GPR160: variants seen among roughly 807,000 people sequenced by gnomAD.
The protein encoded by GPR160 is G protein-coupled receptor 160, also known as probable G protein-coupled receptor 160.
Under a neutral mutation model 2.6 loss-of-function variants are expected in GPR160, and 2 were observed. The ratio of observed to expected loss-of-function variants is 0.77; its 90% CI spans 0.32 to 2.44. The LOEUF (loss-of-function observed/expected upper bound fraction) is 2.44, where lower values mean the gene tolerates loss of function less well. GPR160 is among the 30% of genes most tolerant of loss of function. The pLI, the probability that GPR160 is intolerant of heterozygous loss-of-function variation, is 0.11. For missense variants in GPR160, 351 were observed against 383.6 expected (o/e 0.91, Z 0.71); for synonymous variants, 130 against 132.2 (o/e 0.98, Z 0.12).
intron 2 of GPR160, among the ~76,000 whole-genome samples, chr3:170,051,093 G>C (rs889953542): frequency 2.6e-5 from 4 of 152,106 alleles, no homozygotes; most frequent in African/African-American, 9.7e-5. Context: ...CAGTGTATGA[G>C]GATTCTCTAC....
At chr3:170,045,131 G>A (rs1055978080) in intron 2 of GPR160, among the ~76,000 whole-genome samples, 1 of 152,054 alleles carries the variant, frequency 6.6e-6, no homozygotes, top group Non-Finnish European at 1.5e-5. Flanking sequence ...TGGCACAAAA[G>A]TGAACCTTGT....
At chr3:170,041,251 G>A (rs950470747) in intron 2 of GPR160, among the ~76,000 whole-genome samples, 4 of 151,994 alleles carry the variant, frequency 2.6e-5, no homozygotes, top group South Asian at 2.1e-4. Context: ...GAATCTCCCC[G>A]GCGTAGACCT....
intron 2 of GPR160, among the ~76,000 whole-genome samples, chr3:170,055,044 T>G (rs1711558426): frequency 1.3e-5 from 2 of 152,234 alleles, no homozygotes; most frequent in Non-Finnish European, 2.9e-5. Context: ...CCCATCTGCC[T>G]TGGCCTCCCA....
intron 2 of GPR160, among the ~76,000 whole-genome samples, chr3:170,043,328 C>T (rs1357523092): frequency 6.6e-6 from 1 of 152,086 alleles, no homozygotes; most frequent in African/African-American, 2.4e-5. Flanking sequence ...ATTACAGGTG[C>T]CAGACACCAT....
At chr3:170,066,124 C>CT (rs1712316344) in intron 2 of GPR160, among the ~76,000 whole-genome samples, 2 of 78,534 alleles carry the variant, frequency 2.5e-5, no homozygotes, top group Admixed American at 1.4e-4. Context: ...TATTCTTTTT[C>CT]TTTTTCTTTT....
rs550074329 is a variant in GPR160, at chr3:170,052,801, AG to A, written c.-193+13760del. On this transcript the variant is annotated intron_variant, in intron 2 of 3. Coordinates refer to ENST00000355897, the MANE Select transcript of GPR160 (RefSeq NM_014373.3). Reference sequence around the variant, plus strand: ...TTTTGCTTGAGAATTCTTTACTCTAAGGTTGCAAACATATTCTCCTTTGTTT... The same window carrying A: ...TTTTGCTTGAGAATTCTTTACTCTAAGTTGCAAACATATTCTCCTTTGTTT... Among the ~76,000 whole-genome samples, 638 of 152,222 alleles carry A rather than the reference AG, an allele frequency of 4.2e-3. 1 individual carries two copies. The highest frequency in any genetic ancestry group is 7.0e-3 in the Non-Finnish European group (475 of 68,012).
Position 170,084,812 on chromosome 3 carries a change from A to G in GPR160, c.840A>G (p.Leu280=), listed in dbSNP as rs371588925. Residue 280 remains leucine (L), a synonymous_variant, in exon 4 of 4, where the codon TTA becomes TTG. Transcript: ENST00000355897. ...ATATTGAGATGAATATTCCCTGGTT[A>G]TACTTTGTCAATAGTTTTCTCATTG... is the stretch of plus-strand genomic sequence containing the variant. The part of the protein sequence containing the change: ...PAYIEMNIPW[L]YFVNSFLIAT... 1.9e-6 allele frequency: 3 copies of G among 1,608,132 alleles called. No individual in the cohort carries two copies. Among genetic ancestry groups the G allele is most frequent in the Non-Finnish European group, 2.6e-6 (3 of 1,175,240 alleles).
intron 2 of GPR160, among the ~76,000 whole-genome samples, chr3:170,050,332 C>T (rs1421338389): frequency 6.6e-5 from 10 of 152,092 alleles, no homozygotes; most frequent in African/African-American, 2.4e-4. Context: ...CAACCTCCAC[C>T]TCCCAGGTTC....
chr3:170,063,759 A>C (rs1023324132), intron 2 of GPR160, among the ~76,000 whole-genome samples: 1 of 152,024 alleles, frequency 6.6e-6, no homozygotes, highest in Non-Finnish European at 1.5e-5. Context: ...CGCTCTTTGA[A>C]GTGTATGAAT....
At chr3:170,045,685 CCTTT>C (rs1716691127) in intron 2 of GPR160, among the ~76,000 whole-genome samples, 1 of 152,118 alleles carries the variant, frequency 6.6e-6, no homozygotes, top group African/African-American at 2.4e-5. Context: ...TTGATGGGAT[CCTTT>C]CTGGAGAACT....
chr3:170,064,514 CTTTTTTT>C (rs1175382810), intron 2 of GPR160, among the ~76,000 whole-genome samples: 7 of 81,038 alleles, frequency 8.6e-5, no homozygotes, highest in Non-Finnish European at 1.2e-4. Flanking sequence ...CTTTTCTTTT[CTTTTTTT>C]TTTTTTTTTT....
In GPR160 at chr3:170,042,665, C is replaced by CAA. The variant is rs35357716; in HGVS notation, c.-193+3633_-193+3634dup. 7.7e-5 allele frequency among the ~76,000 whole-genome samples: 8 copies of CAA among 104,248 alleles called. No individual in the cohort carries two copies. The South Asian group carries it at 2.4e-3, about 32-fold the overall frequency. 68.4% of individuals were successfully genotyped at this position (104,248 alleles called of 152,430 possible). ...CAACATAGTGAGGCCCCCATCTCTA[C>CAA]AAAAAAAAAAAATAAATAAATAATA... On this transcript the variant is annotated intron_variant, in intron 2 of 3. Transcript: ENST00000355897.
rs1716736192 is a variant in GPR160 at position 170,046,714 on chromosome 3, C to T, written c.-193+7671C>T. On this transcript the variant is annotated intron_variant, in intron 2 of 3. Coordinates refer to ENST00000355897, the MANE Select transcript of GPR160 (RefSeq NM_014373.3). ...AATGTTTATTTAATATTTTATAGTTCCTAAAAGGGCTATCTGGTTTGATCT... is the reference window on the plus strand; with the variant it reads ...AATGTTTATTTAATATTTTATAGTTTCTAAAAGGGCTATCTGGTTTGATCT... Among the ~76,000 whole-genome samples, 3 of 152,202 alleles carry T rather than the reference C, an allele frequency of 2.0e-5. No homozygotes were observed. The South Asian group carries it at 6.2e-4, about 32-fold the overall frequency.
intron 2 of GPR160, among the ~76,000 whole-genome samples, chr3:170,051,987 G>A (rs1467723646): frequency 1.3e-5 from 2 of 152,088 alleles, no homozygotes; most frequent in African/African-American, 2.4e-5. Flanking sequence ...GTGCAGTGGC[G>A]CATTCTCGGC....
At chr3:170,063,637 G>A (rs1050982476) in intron 2 of GPR160, among the ~76,000 whole-genome samples, 9 of 151,268 alleles carry the variant, frequency 5.9e-5, no homozygotes, top group Non-Finnish European at 1.0e-4. Context: ...TCTCTCCGGT[G>A]GAAGAGCTGG....
intron 2 of GPR160, among the ~76,000 whole-genome samples, chr3:170,054,464 A>G (rs1330641598): frequency 6.6e-6 from 1 of 152,210 alleles, no homozygotes; most frequent in Non-Finnish European, 1.5e-5. Context: ...ATTATAGTAA[A>G]ATATACCTAA....
intron 2 of GPR160, among the ~76,000 whole-genome samples, chr3:170,068,897 T>C (rs1208476566): frequency 6.6e-6 from 1 of 152,252 alleles, no homozygotes; most frequent in Non-Finnish European, 1.5e-5. Flanking sequence ...AGTAGGGCAG[T>C]ATCTAGGCTG....
chr3:170,044,637 G>A (rs772465588), intron 2 of GPR160, among the ~76,000 whole-genome samples: 1 of 152,092 alleles, frequency 6.6e-6, no homozygotes, highest in Non-Finnish European at 1.5e-5. Context: ...GTCCTGCAGG[G>A]ATGGGGCACC....
chr3:170,060,935 C>G (rs964262853), intron 2 of GPR160, among the ~76,000 whole-genome samples: 2 of 151,982 alleles, frequency 1.3e-5, no homozygotes, highest in Non-Finnish European at 2.9e-5. Context: ...TTAGACAAAT[C>G]GAGATTATGT....
Sources: allele counts gnomAD v4.1 joint callset (sites outside exome capture counted in the v4.1 genomes callset), GRCh38; gene constraint gnomAD v4.1.1; transcripts MANE v1.5; gene names NCBI Gene and HGNC (gene_info 2026-07-23, HGNC 2026-07-21).